TRIP11: variants seen among roughly 807,000 people sequenced by gnomAD.
TRIP11 encodes the protein thyroid receptor-interacting protein 11.
Under a neutral mutation model 223.1 loss-of-function variants are expected in TRIP11, and 148 were observed. The observed-to-expected ratio is 0.66, with a 90% CI of 0.58 to 0.76. The LOEUF is 0.76. TRIP11 is among the 30% of genes least tolerant of loss of function. The probability of loss-of-function intolerance (pLI) is 0.00; values close to 1 mark genes in which losing one functional copy is unlikely to be tolerated. For synonymous variants in TRIP11, 762 were observed against 772.6 expected, an observed-to-expected ratio of 0.99 and a Z score of 0.23; for missense variants, 2,043 against 2,222.0, an observed-to-expected ratio of 0.92 and a Z score of 1.62.
At chr14:91,985,092 G>GTCTC (rs2056589799) in intron 16 of TRIP11, among the ~76,000 whole-genome samples, 1 of 152,152 alleles carries the variant, frequency 6.6e-6, no homozygotes, top group African/African-American at 2.4e-5. Flanking sequence ...GCTGGTTTAT[G>GTCTC]TCTCTACTCA....
chr14:92,005,901 T>C lies in TRIP11; in HGVS notation c.2075A>G (p.Gln692Arg), dbSNP rs369502177. Residue 692 changes from glutamine (Q) to arginine (R), a missense_variant, in exon 11 of 21, where the codon CAG becomes CGG. Transcript: ENST00000267622. ...GTTACCAGCAAGACATTCTTCTAAC[T>C]GATGCCTCACATCTTCACATGCTAA... ...LVLACEDVRH[Q>R]LEECLAGNNQ... 6.6e-5 allele frequency: 107 copies of C among 1,613,928 alleles called. 1 individual carries two copies. Among genetic ancestry groups the C allele is most frequent in the South Asian group, 4.8e-4 (44 of 91,088 alleles).
Position 91,969,615 on chromosome 14 carries a change from T to C in TRIP11, c.*58A>G, listed in dbSNP as rs2056376035. 1.9e-5 allele frequency: 30 copies of C among 1,542,546 alleles called. No homozygotes were observed. The South Asian group carries it at 3.4e-4, about 17-fold the overall frequency. On this transcript the variant is annotated 3_prime_UTR_variant, in exon 21 of 21. Transcript: ENST00000267622. ...AAAGGCCACTTTGTGATAAAGTACA[T>C]ACATATAGTGTTCATGGTTTCTTTA...
chr14:92,029,364 C>T (rs180747360), intron 2 of TRIP11, among the ~76,000 whole-genome samples: 7 of 139,418 alleles, frequency 5.0e-5, no homozygotes, highest in Non-Finnish European at 9.0e-5. Context: ...GGCACAATCT[C>T]GGCTCACTGC....
Position 92,005,207 on chromosome 14 carries a change from G to A in TRIP11, c.2769C>T (p.Asn923=). 1 of 1,613,964 alleles carries A rather than the reference G, an allele frequency of 6.2e-7. No individual in the cohort carries two copies. The highest frequency in any genetic ancestry group is 8.5e-7 in the Non-Finnish European group (1 of 1,180,012). Residue 923 remains asparagine, a synonymous_variant, in exon 11 of 21, where the codon AAC becomes AAT. Coordinates refer to ENST00000267622, the MANE Select transcript of TRIP11 (RefSeq NM_004239.4). ...KHHQKIIEDQ[N]QSKMQLLQSL... is the part of the protein sequence containing the mutation. ...ACTGAAGTAGTTGCATCTTACTCTG[G>A]TTTTGATCTTCAATTATCTTTTGAT...
At position 91,975,231 on chromosome 14, in the gene TRIP11, G is replaced by A; in HGVS notation, c.5398C>T (p.His1800Tyr). 6.2e-7 allele frequency: 1 copy of A among 1,613,784 alleles called. No individual in the cohort carries two copies. Among genetic ancestry groups the A allele is most frequent in the South Asian group, 1.1e-5 (1 of 91,060 alleles). The change falls in exon 18 of 21, where the codon CAT (histidine) becomes TAT (tyrosine). Residue 1800 changes from histidine (H) to tyrosine (Y), a missense_variant. Transcript: ENST00000267622. ...CTCCCCATTAACCGTAACACTTCAT[G>A]ACGCTGATTTTTCGGTGTGTGGAAA... Reference protein sequence around the residue: ...GHFHTPKNQRHEVLRLMGSIL... With the variant: ...GHFHTPKNQRYEVLRLMGSIL...
Position 92,004,662 on chromosome 14 carries a change from A to G in TRIP11, c.3314T>C (p.Leu1105Ser). 6.2e-7 allele frequency: 1 copy of G among 1,614,170 alleles called. No homozygotes were observed. The highest frequency in any genetic ancestry group is 8.5e-7 in the Non-Finnish European group (1 of 1,180,026). ...AMEREKVFAV[L>S]NEKTRENSHL... Reference sequence around the variant, plus strand: ...GCTATTTTCCCTAGTCTTCTCATTCAAAACAGCAAATACCTTTTCTCTTTC... The same window carrying G: ...GCTATTTTCCCTAGTCTTCTCATTCGAAACAGCAAATACCTTTTCTCTTTC... Residue 1105 changes from leucine (L) to serine (S), a missense_variant, in exon 11 of 21, where the codon TTG becomes TCG. Coordinates refer to ENST00000267622, the MANE Select transcript of TRIP11 (RefSeq NM_004239.4).
Position 92,003,769 on chromosome 14 carries a change from C to G in TRIP11, c.4207G>C (p.Asp1403His), listed in dbSNP as rs554714508. Residue 1403 changes from aspartate to histidine, a missense_variant, in exon 11 of 21, where the codon GAT (aspartate) becomes CAT (histidine). Coordinates refer to ENST00000267622, the MANE Select transcript of TRIP11 (RefSeq NM_004239.4). ...SEIKQLKEKQ[D>H]VLQKLLKEKD... Reference sequence around the variant, plus strand: ...TCCTTAAGTAACTTTTGCAAAACATCTTGTTTCTCCTTTAGCTGCTTGATT... The same window carrying G: ...TCCTTAAGTAACTTTTGCAAAACATGTTGTTTCTCCTTTAGCTGCTTGATT... 1 of 1,614,150 alleles carries G rather than the reference C, an allele frequency of 6.2e-7. No individual in the cohort carries two copies. The highest frequency in any genetic ancestry group is 8.5e-7 in the Non-Finnish European group (1 of 1,180,020).
At chr14:92,007,031 ATTTT>A (rs57448229) in intron 10 of TRIP11, among the ~76,000 whole-genome samples, 1 of 129,862 alleles carries the variant, frequency 7.7e-6, no homozygotes, top group Non-Finnish European at 1.7e-5. Flanking sequence ...GGTAAATAGT[ATTTT>A]TTTTTTTTTT....
Position 92,039,700 on chromosome 14 carries a change from AGAACG to A in TRIP11, c.-20_-16del. ...CAGGACGACATCGCGGCGAGTTTAG[AGAACG>A]ACCCGGTCCGCTCGGAAAAAAGAAA... On this transcript the variant is annotated 5_prime_UTR_variant, in exon 1 of 21. Transcript: ENST00000267622. 1 of 1,609,926 alleles carries A rather than the reference AGAACG, an allele frequency of 6.2e-7. No individual in the cohort carries two copies. The highest frequency in any genetic ancestry group is 8.5e-7 in the Non-Finnish European group (1 of 1,178,202).
In TRIP11 at chr14:92,006,286, G is replaced by A. The variant is rs2056901678; in HGVS notation, c.1690C>T (p.Leu564=). The A allele has an allele frequency of 1.2e-6, 2 of 1,609,978 alleles. No homozygotes were observed. The highest frequency in any genetic ancestry group is 1.3e-5 in the African/African-American group (1 of 74,622). ...TTTAGGGCCACTTCACTTTGAATTA[G>A]CTTTTCTTTCTGTACATCTAACTCT... ...TKELDVQKEK[L]IQSEVALNDL... Residue 564 remains leucine (L), a synonymous_variant, in exon 11 of 21, where the codon CTA becomes TTA. Transcript: ENST00000267622.
At chr14:92,016,794 T>C (rs551954447) in intron 5 of TRIP11, among the ~76,000 whole-genome samples, 1 of 152,188 alleles carries the variant, frequency 6.6e-6, no homozygotes, top group South Asian at 2.1e-4. Context: ...TAGCATAGCA[T>C]GTAAATAATA....
chr14:92,021,080 AAAAAAAG>A (rs1388642101), intron 4 of TRIP11, among the ~76,000 whole-genome samples: 2 of 147,676 alleles, frequency 1.4e-5, no homozygotes, highest in African/African-American at 5.0e-5. Context: ...AAAAAAAAAA[AAAAAAAG>A]AAAGAAAGAA....
chr14:91,996,081 C>G (rs2056747440), intron 13 of TRIP11, among the ~76,000 whole-genome samples: 1 of 152,274 alleles, frequency 6.6e-6, no homozygotes, highest in South Asian at 2.1e-4. Context: ...TGTTGTACAA[C>G]CACCACCACC....
At chr14:91,993,739 A>AAGACAAAG in intron 15 of TRIP11, 70 bp downstream of exon 15, 1 of 1,267,564 alleles carries the variant, frequency 7.9e-7, no homozygotes, top group East Asian at 2.4e-5. Context: ...GATTATTTCC[A>AAGACAAAG]AGACAAAGAC....
intron 19 of TRIP11, among the ~76,000 whole-genome samples, chr14:91,974,284 C>T (rs1243847136): frequency 2.0e-5 from 3 of 152,110 alleles, no homozygotes; most frequent in Admixed American, 6.5e-5. Context: ...ACTGGCTCAA[C>T]GATTTGGAAC....
chr14:91,997,383 T>C (rs993395839), intron 13 of TRIP11, among the ~76,000 whole-genome samples: 4 of 152,236 alleles, frequency 2.6e-5, no homozygotes, highest in African/African-American at 7.2e-5. Context: ...TTACATTTCA[T>C]TGGGTGGGAG....
Position 92,027,147 on chromosome 14 carries a change from A to AT in TRIP11, c.202-1728dup, listed in dbSNP as rs560265428. ...AAAGTATTTTAAAAAGGAAATTTGT[A>AT]TTTTTTATTTTCATTTTATATTTTT... On this transcript the variant is annotated intron_variant, in intron 2 of 20. Coordinates refer to ENST00000267622, the MANE Select transcript of TRIP11 (RefSeq NM_004239.4). Among the ~76,000 whole-genome samples, 609 of 151,884 alleles carry AT rather than the reference A, an allele frequency of 4.0e-3. 3 individuals are homozygous for AT. Among genetic ancestry groups the AT allele is most frequent in the African/African-American group, 0.014 (572 of 41,392 alleles).
Position 92,015,799 on chromosome 14 carries a change from C to G in TRIP11, c.720G>C (p.Gln240His), listed in dbSNP as rs747592949. ...CTGTCAATTTCTGTTGGTGTGCATT[C>G]TGCAGTACTGACATTTCATGTTGAT... ...DDHQHEMSVL[Q>H]NAHQQKLTEI... The change falls in exon 6 of 21, where the codon CAG (glutamine) becomes CAC (histidine). Residue 240 changes from glutamine (Q) to histidine (H), a missense_variant. Coordinates refer to ENST00000267622, the MANE Select transcript of TRIP11 (RefSeq NM_004239.4). 1 of 1,613,426 alleles carries G rather than the reference C, an allele frequency of 6.2e-7. No homozygotes were observed. The highest frequency in any genetic ancestry group is 1.1e-5 in the South Asian group (1 of 91,022).
Position 92,004,841 on chromosome 14 carries a change from CT to C in TRIP11, c.3134del (p.Gln1045ArgfsTer13), listed in dbSNP as rs1476070570. 6.2e-7 allele frequency: 1 copy of C among 1,613,824 alleles called. No homozygotes were observed. The highest frequency in any genetic ancestry group is 2.2e-5 in the East Asian group (1 of 44,864). On this transcript the variant is annotated frameshift_variant, in exon 11 of 21. Transcript: ENST00000267622. LOFTEE classifies it high-confidence loss of function. ...LNEKNISLTK[Q>X]IDQLSKDEVG... is the part of the protein sequence containing the mutation. The stretch of plus-strand genomic sequence containing the variant: ...CTTCATCTTTGGACAACTGATCAAT[CT>C]GTTTAGTTAAAGATATATTCTTTTC...
Sources: allele counts gnomAD v4.1 joint callset (sites outside exome capture counted in the v4.1 genomes callset), GRCh38; gene constraint gnomAD v4.1.1; transcripts MANE v1.5; gene names NCBI Gene and HGNC (gene_info 2026-07-23, HGNC 2026-07-21).